The following MYLK4 variants were observed in gnomAD, a reference collection of about 807,000 sequenced individuals.
MYLK4 encodes the protein myosin light chain kinase family member 4, also known as caMLCK like.
A neutral mutation model predicts 48.1 loss-of-function variants in MYLK4; 46 were observed. That is an observed-to-expected ratio of 0.96 (90% CI 0.75 to 1.22). MYLK4 has a LOEUF of 1.22. Among genes scored for constraint, MYLK4 ranks in the 50% most tolerant of loss-of-function variants. MYLK4 has a pLI of 0.00. For synonymous variants in MYLK4, 170 were observed against 180.8 expected, an observed-to-expected ratio of 0.94 and a Z score of 0.48; for missense variants, 451 against 486.1, an observed-to-expected ratio of 0.93 and a Z score of 0.68.
At chr6:2,764,063 C>T in the MYLK4 span, among the ~76,000 whole-genome samples, 12 of 152,276 alleles carry the variant, frequency 7.9e-5, no homozygotes, top group Non-Finnish European at 4.4e-5. Context: ...ACCCGGGAGG[C>T]GGAGGTTGCC....
At chr6:2,735,243 A>C (rs1273712575) in intron 2 of MYLK4, among the ~76,000 whole-genome samples, 2 of 152,220 alleles carry the variant, frequency 1.3e-5, no homozygotes, top group Non-Finnish European at 2.9e-5. Context: ...AAGCACCCAG[A>C]ACTACAGGTA....
At chr6:2,692,466 G>A (rs1284185324) in intron 3 of MYLK4, among the ~76,000 whole-genome samples, 1 of 152,056 alleles carries the variant, frequency 6.6e-6, no homozygotes, top group Non-Finnish European at 1.5e-5. Context: ...TTTTAATGGA[G>A]AATGCAGGTG....
chr6:2,720,471 G>T (rs1437026376), intron 2 of MYLK4, among the ~76,000 whole-genome samples: 1 of 152,004 alleles, frequency 6.6e-6, no homozygotes, highest in Non-Finnish European at 1.5e-5. Context: ...CAGAGATTAT[G>T]CAGGGAAATG....
chr6:2,748,965 T>A (rs771080338), intron 2 of MYLK4, among the ~76,000 whole-genome samples, 171 bp downstream of exon 2: 2 of 152,210 alleles, frequency 1.3e-5, no homozygotes, highest in Non-Finnish European at 2.9e-5. Flanking sequence ...GGCCTCCTAA[T>A]TATTTACCAA....
At chr6:2,769,919 G>T in the MYLK4 span, among the ~76,000 whole-genome samples, 1 of 152,182 alleles carries the variant, frequency 6.6e-6, no homozygotes, top group African/African-American at 2.4e-5. Context: ...GGGCATTCCA[G>T]AAGATGTGTT....
chr6:2,705,219 C>G (rs1030216616), intron 2 of MYLK4, among the ~76,000 whole-genome samples: 1 of 139,412 alleles, frequency 7.2e-6, no homozygotes, highest in Non-Finnish European at 1.7e-5. Context: ...GCAGGTGAGG[C>G]CTTCACTTGG....
intron 2 of MYLK4, among the ~76,000 whole-genome samples, chr6:2,703,493 C>T (rs993883839): frequency 1.3e-5 from 2 of 152,012 alleles, no homozygotes; most frequent in African/African-American, 4.8e-5. Context: ...TATTAAAGTT[C>T]CTTCCCCAGA....
Position 2,672,609 on chromosome 6 carries a change from T to C in MYLK4, c.1120-1261A>G, listed in dbSNP as rs551604548. ...AAATTTTCAACTTAAAAGTAAATTC[T>C]GATTTTGTAGAACCAATATTAATCT... On this transcript the variant is annotated intron_variant, in intron 11 of 12. Coordinates refer to ENST00000274643, the MANE Select transcript of MYLK4 (RefSeq NM_001012418.5). This position sits in a 1 kb window ranked among gnomAD's most constrained non-coding sequence, Gnocchi z 4.3. Among the ~76,000 whole-genome samples the C allele has an allele frequency of 6.6e-6, 1 of 152,370 alleles. No homozygotes were observed. The highest frequency in any genetic ancestry group is 2.1e-4 in the South Asian group (1 of 4,826).
chr6:2,765,005 G>A, the MYLK4 span, among the ~76,000 whole-genome samples: 1 of 152,004 alleles, frequency 6.6e-6, no homozygotes, highest in Non-Finnish European at 1.5e-5. Flanking sequence ...CCTCCTGCTT[G>A]TCCCCACAGG....
At chr6:2,762,912 A>G in the MYLK4 span, among the ~76,000 whole-genome samples, 2 of 152,178 alleles carry the variant, frequency 1.3e-5, no homozygotes, top group African/African-American at 2.4e-5. Flanking sequence ...ACAAGTCTCC[A>G]CAGTGAGTAT....
At chr6:2,715,334 G>A (rs1177057404) in intron 2 of MYLK4, among the ~76,000 whole-genome samples, 1 of 151,796 alleles carries the variant, frequency 6.6e-6, no homozygotes, top group Non-Finnish European at 1.5e-5. Context: ...TGGTGCTGAC[G>A]GGCTGCACGA....
intron 3 of MYLK4, among the ~76,000 whole-genome samples, chr6:2,689,524 G>C (rs76209182): frequency 0.018 from 2,805 of 152,242 alleles, 95 homozygotes; most frequent in African/African-American, 0.064. Context: ...AATAAAACCA[G>C]GTAAGTGTGT....
chr6:2,707,817 A>T (rs780528669), intron 2 of MYLK4, among the ~76,000 whole-genome samples: 1 of 152,254 alleles, frequency 6.6e-6, no homozygotes, highest in Non-Finnish European at 1.5e-5. Flanking sequence ...ATGCAAAAAA[A>T]ATCAACAAAT....
chr6:2,769,178 G>C, the MYLK4 span, among the ~76,000 whole-genome samples: 1 of 152,128 alleles, frequency 6.6e-6, no homozygotes, highest in East Asian at 1.9e-4. Context: ...TAAATACTAG[G>C]AGTCATTGTG....
intron 2 of MYLK4, among the ~76,000 whole-genome samples, chr6:2,739,132 T>A (rs1180549532): frequency 6.6e-6 from 1 of 152,224 alleles, no homozygotes; most frequent in African/African-American, 2.4e-5. Context: ...AGCCTCAGTT[T>A]GCTCACCTAA....
At chr6:2,680,084 G>T in intron 8 of MYLK4, 137 bp downstream of exon 8, 1 of 1,033,822 alleles carries the variant, frequency 9.7e-7, no homozygotes. Context: ...GCAAGTTAAG[G>T]CCAAACATAA....
Position 2,703,047 on chromosome 6 carries a change from A to G in MYLK4, c.160-10188T>C, listed in dbSNP as rs1762349389. Among the ~76,000 whole-genome samples, 3 of 152,022 alleles carry G rather than the reference A, an allele frequency of 2.0e-5. No homozygotes were observed. In the South Asian group the frequency reaches 6.2e-4, roughly 32 times the overall value. ...CTCCATGCTGGCTGGTAAATAGGGG[A>G]TTTTCTGAGACTCCCAGGAGCTCCT... On this transcript the variant is annotated intron_variant, in intron 2 of 12. Transcript: ENST00000274643.
the MYLK4 span, among the ~76,000 whole-genome samples, chr6:2,764,316 G>A: frequency 6.6e-6 from 1 of 152,082 alleles, no homozygotes; most frequent in African/African-American, 2.4e-5. Context: ...CGACTCCAAA[G>A]GCTAAGGCGG....
At chr6:2,702,398 G>C (rs2061541300) in intron 2 of MYLK4, among the ~76,000 whole-genome samples, 1 of 152,078 alleles carries the variant, frequency 6.6e-6, no homozygotes, top group Non-Finnish European at 1.5e-5. Flanking sequence ...CTGTAACCTG[G>C]CTACAATAAA....
Sources: allele counts gnomAD v4.1 joint callset (sites outside exome capture counted in the v4.1 genomes callset), GRCh38; gene constraint gnomAD v4.1.1; non-coding constraint Gnocchi (gnomAD v3.1); transcripts MANE v1.5; gene names NCBI Gene and HGNC (gene_info 2026-07-23, HGNC 2026-07-21).